Variants in DNAH9 observed in about 807,000 individuals in gnomAD.
The protein encoded by DNAH9 is DNAH9 variant protein.
Under a neutral mutation model 471.6 loss-of-function variants are expected in DNAH9, and 345 were observed. The ratio of observed to expected loss-of-function variants is 0.73; its 90% confidence interval spans 0.67 to 0.80. The LOEUF is 0.80. DNAH9 is among the 30% of genes least tolerant of loss of function. The pLI is 0.00. For missense variants in DNAH9, 5,407 were observed against 5,609.2 expected (o/e 0.96, Z 1.15); for synonymous variants, 2,093 against 2,123.6 (o/e 0.99, Z 0.40).
At chr17:11,939,807 C>CATGGATGG (rs57669174) in intron 66 of DNAH9, among the ~76,000 whole-genome samples, 20,978 of 147,112 alleles carry the variant, frequency 0.14, 1,822 homozygotes, top group African/African-American at 0.23. Context: ...ATGTTAGATA[C>CATGGATGG]ATGGATGGAT....
Position 11,937,477 on chromosome 17 carries a change from G to A in DNAH9, c.12615G>A (p.Arg4205=). 1 of 1,613,892 alleles carries A rather than the reference G, an allele frequency of 6.2e-7. No individual in the cohort carries two copies. The highest frequency in any genetic ancestry group is 8.5e-7 in the Non-Finnish European group (1 of 1,179,850). Residue 4205 remains arginine (R), a synonymous_variant, in exon 66 of 69, where the codon CGG becomes CGA. Transcript: ENST00000262442. This position sits in a 1 kb window ranked among gnomAD's most constrained non-coding sequence, Gnocchi z 4.1. ...LFRTVLELQP[R]DSQARDGAGA... ...GCACTGTGCTGGAGCTGCAGCCTCG[G>A]GACAGCCAGGCCAGAGACGGAGCGG... is the stretch of plus-strand genomic sequence containing the variant.
At chr17:11,606,782 G>A (rs2072518602) in intron 1 of DNAH9, among the ~76,000 whole-genome samples, 1 of 152,076 alleles carries the variant, frequency 6.6e-6, no homozygotes, top group South Asian at 2.1e-4. Context: ...GCTTGATTTA[G>A]GAGCTCAAAC....
chr17:11,619,162 G>A (rs1349256192), intron 5 of DNAH9, among the ~76,000 whole-genome samples: 1 of 152,200 alleles, frequency 6.6e-6, no homozygotes, highest in Non-Finnish European at 1.5e-5. Context: ...TTTTCCAGGT[G>A]TAAGCCTCTT....
At chr17:11,884,873 C>A (rs1216592752) in intron 56 of DNAH9, among the ~76,000 whole-genome samples, 1 of 151,972 alleles carries the variant, frequency 6.6e-6, no homozygotes, top group East Asian at 1.9e-4. Flanking sequence ...GAGAGTAGGT[C>A]AGAGGATGGG....
intron 41 of DNAH9, among the ~76,000 whole-genome samples, chr17:11,784,931 A>G (rs928679747): frequency 6.6e-6 from 1 of 152,080 alleles, no homozygotes; most frequent in Non-Finnish European, 1.5e-5. Context: ...GGGATGAAAA[A>G]GAGTGTTCCC....
intron 44 of DNAH9, 63 bp downstream of exon 44, chr17:11,807,957 C>G (rs1567816437): frequency 5.3e-6 from 8 of 1,522,712 alleles, no homozygotes; most frequent in Non-Finnish European, 7.1e-6. Flanking sequence ...ACAGTTCCAT[C>G]ATCCTTCACT....
intron 31 of DNAH9, among the ~76,000 whole-genome samples, chr17:11,746,133 TCTC>T (rs769305232): frequency 2.6e-5 from 4 of 152,162 alleles, no homozygotes; most frequent in Non-Finnish European, 5.9e-5. Flanking sequence ...AAAGAATAAG[TCTC>T]CTAGTTGAGT....
intron 61 of DNAH9, among the ~76,000 whole-genome samples, chr17:11,912,432 C>T (rs12449645): frequency 0.24 from 36,287 of 152,016 alleles, 4,757 homozygotes; most frequent in African/African-American, 0.34. Context: ...AGTATGATGT[C>T]AGCAGTGGAT....
At position 11,962,349 on chromosome 17, in the gene DNAH9, C is replaced by T. The variant is rs1182757883; in HGVS notation, c.13233+93C>T. The T allele has an allele frequency of 5.4e-6, 8 of 1,470,162 alleles. No homozygotes were observed. In the East Asian group the frequency reaches 7.0e-5, roughly 13 times the overall value. The allele number at this position is 1,470,162 out of a possible 1,614,324, so 91.1% of individuals were successfully genotyped here. A position where few individuals can be genotyped will look rare whatever the true frequency, so the allele number is the denominator to read the frequency against. On this transcript the variant is annotated intron_variant, in intron 68 of 68. Coordinates refer to ENST00000262442, the MANE Select transcript of DNAH9 (RefSeq NM_001372.4). This position sits in a 1 kb window ranked among gnomAD's most constrained non-coding sequence, Gnocchi z 4.1. ...AGTGTGACTACTAAAAGAGATATTC[C>T]TGAATCTTTTTCTCTAGCTAACCTT...
At chr17:11,757,249 G>T (rs1967434835) in intron 34 of DNAH9, among the ~76,000 whole-genome samples, 1 of 152,056 alleles carries the variant, frequency 6.6e-6, no homozygotes, top group Admixed American at 6.5e-5. Flanking sequence ...TGTTGGGCCG[G>T]GCTCTGTGGC....
In DNAH9 at chr17:11,905,730, T is replaced by C. The variant is rs1973573002; in HGVS notation, c.11670T>C (p.Phe3890=). 1.2e-6 allele frequency: 2 copies of C among 1,614,044 alleles called. No individual in the cohort carries two copies. Among genetic ancestry groups the C allele is most frequent in the African/African-American group, 2.7e-5 (2 of 74,928 alleles). The change falls in exon 61 of 69, where the codon TTT becomes TTC. Residue 3890 remains phenylalanine (F), a synonymous_variant. Transcript: ENST00000262442. Reference sequence around the variant, plus strand: ...GAGCCCTAGATTTTGCAACCTCATTTGAAGAATCGGGACCAGCCACTCCTA... The same window carrying C: ...GAGCCCTAGATTTTGCAACCTCATTCGAAGAATCGGGACCAGCCACTCCTA... ...VGRALDFATS[F]EESGPATPMF... is the part of the protein sequence containing the mutation.
intron 50 of DNAH9, among the ~76,000 whole-genome samples, chr17:11,859,986 C>T (rs533242343): frequency 5.9e-5 from 9 of 152,316 alleles, no homozygotes; most frequent in Admixed American, 5.2e-4. Flanking sequence ...CTTCCTTCTA[C>T]TTCCCAACTT....
chr17:11,791,633 C>T (rs532191407), intron 41 of DNAH9, among the ~76,000 whole-genome samples: 14 of 152,234 alleles, frequency 9.2e-5, no homozygotes, highest in South Asian at 6.2e-4. Context: ...ATTGCTTGAA[C>T]CCGGGAGGTG....
At chr17:11,715,001 T>C (rs2074934348) in intron 26 of DNAH9, among the ~76,000 whole-genome samples, 3 of 152,110 alleles carry the variant, frequency 2.0e-5, no homozygotes, top group Admixed American at 2.0e-4. Flanking sequence ...CCCACAGAAG[T>C]GTGAGATAAC....
rs2074303971 is a variant in DNAH9 at position 11,689,947 on chromosome 17, G to T, written c.4125G>T (p.Glu1375Asp). 2 of 1,612,474 alleles carry T rather than the reference G, an allele frequency of 1.2e-6. No individual in the cohort carries two copies. The highest frequency in any genetic ancestry group is 1.7e-6 in the Non-Finnish European group (2 of 1,179,288). Residue 1375 changes from glutamate (E) to aspartate (D), a missense_variant, in exon 20 of 69, where the codon GAG becomes GAT. This residue lies in a region of DNAH9 where 4,636 missense variants were observed against 4,900.3 expected (regional missense o/e 0.95). Transcript: ENST00000262442. ...TGAGCTCCCTGAGGGCAGTAGCTGA[G>T]CTGCAGAATCCAGCCATCCGGGAGC... ...NTLSSLRAVAELQNPAIRERH... is the reference protein window; with the variant it reads ...NTLSSLRAVADLQNPAIRERH...
At chr17:11,796,564 T>C (rs1969248503) in intron 42 of DNAH9, among the ~76,000 whole-genome samples, 1 of 152,196 alleles carries the variant, frequency 6.6e-6, no homozygotes, top group African/African-American at 2.4e-5. Flanking sequence ...TTACAAGGCT[T>C]ACCCTGCAGT....
chr17:11,852,832 A>G lies in DNAH9; in HGVS notation c.9508-1171A>G, dbSNP rs866301400. Among the ~76,000 whole-genome samples, 961 of 121,808 alleles carry G rather than the reference A, an allele frequency of 7.9e-3. 39 individuals are homozygous for G. Among genetic ancestry groups the G allele is most frequent in the African/African-American group, 0.033 (812 of 24,936 alleles). 79.9% of individuals were successfully genotyped at this position (121,808 alleles called of 152,430 possible). A position where few individuals can be genotyped will look rare whatever the true frequency, so the allele number is the denominator to read the frequency against. ...TGTGTGTGTATATATATATATATATATATATATATATATATATATATATAT... is the reference window on the plus strand; with the variant it reads ...TGTGTGTGTATATATATATATATATGTATATATATATATATATATATATAT... On this transcript the variant is annotated intron_variant, in intron 49 of 68. Coordinates refer to ENST00000262442, the MANE Select transcript of DNAH9 (RefSeq NM_001372.4).
Sources: allele counts gnomAD v4.1 joint callset (sites outside exome capture counted in the v4.1 genomes callset), GRCh38; gene constraint gnomAD v4.1.1; regional missense constraint gnomAD v4.1.1; non-coding constraint Gnocchi (gnomAD v3.1); transcripts MANE v1.5; gene names NCBI Gene and HGNC (gene_info 2026-07-23, HGNC 2026-07-21).